Variants in MYO5B observed in about 807,000 individuals in gnomAD.
The protein encoded by MYO5B is myosin VB.
A neutral mutation model predicts 229.3 loss-of-function variants in MYO5B; 143 were observed. That is an observed-to-expected ratio of 0.62 (90% CI 0.54 to 0.72). The LOEUF is 0.72. MYO5B is among the 30% of genes least tolerant of loss of function. MYO5B has a pLI of 0.00. For synonymous variants in MYO5B, 918 were observed against 885.2 expected, an observed-to-expected ratio of 1.04 and a Z score of -0.66; for missense variants, 2,321 against 2,331.0, an observed-to-expected ratio of 1.00 and a Z score of 0.09.
chr18:50,129,603 T>A (rs2144544786), intron 1 of MYO5B, among the ~76,000 whole-genome samples: 1 of 152,238 alleles, frequency 6.6e-6, no homozygotes, highest in Middle Eastern at 3.4e-3. Context: ...CTTCTTTAAT[T>A]CCCACAGCCC....
chr18:49,953,674 T>A (rs997014911), intron 13 of MYO5B, among the ~76,000 whole-genome samples: 3 of 152,116 alleles, frequency 2.0e-5, no homozygotes, highest in Non-Finnish European at 2.9e-5. Context: ...ATACACACAC[T>A]GCAATTTAAG....
intron 10 of MYO5B, among the ~76,000 whole-genome samples, chr18:49,973,073 TCTCCAGC>T (rs1219178806): frequency 6.6e-6 from 1 of 152,050 alleles, no homozygotes; most frequent in Non-Finnish European, 1.5e-5. Context: ...AAGCGTGTCC[TCTCCAGC>T]CTTGAAACTT....
chr18:49,998,943 G>A (rs1021827099), intron 5 of MYO5B, among the ~76,000 whole-genome samples: 6 of 152,160 alleles, frequency 3.9e-5, no homozygotes, highest in South Asian at 2.1e-4. Flanking sequence ...TACAAACATC[G>A]TGAATGTACC....
chr18:50,184,636 AT>A (rs1363851942), intron 1 of MYO5B, among the ~76,000 whole-genome samples: 5 of 152,196 alleles, frequency 3.3e-5, no homozygotes, highest in African/African-American at 1.2e-4. Context: ...AGGGTTCAAA[AT>A]ACATAAGCTC....
intron 4 of MYO5B, among the ~76,000 whole-genome samples, chr18:50,026,139 G>A (rs1248846140): frequency 6.6e-6 from 1 of 152,206 alleles, no homozygotes; most frequent in East Asian, 1.9e-4. Flanking sequence ...GCAAGCACCA[G>A]AAGGGACTAT....
intron 4 of MYO5B, among the ~76,000 whole-genome samples, chr18:50,028,496 C>T (rs1285458195): frequency 6.6e-6 from 1 of 151,930 alleles, no homozygotes; most frequent in Admixed American, 6.6e-5. Context: ...TGGGGGGAGC[C>T]AGGAGGCTTG....
chr18:50,126,533 T>C (rs1184471389), intron 1 of MYO5B: 1 of 154,890 alleles, frequency 6.5e-6, no homozygotes, highest in Admixed American at 6.5e-5. Context: ...TCCCGAGTTA[T>C]CTGAAATGTC....
chr18:49,885,607 G>A (rs1219959558), intron 22 of MYO5B, among the ~76,000 whole-genome samples: 1 of 152,130 alleles, frequency 6.6e-6, no homozygotes, highest in Non-Finnish European at 1.5e-5. Context: ...ATGCTTAAAT[G>A]CCAACTTTCC....
At chr18:49,926,891 G>A (rs2025133960) in intron 17 of MYO5B, among the ~76,000 whole-genome samples, 1 of 152,124 alleles carries the variant, frequency 6.6e-6, no homozygotes, top group Non-Finnish European at 1.5e-5. Flanking sequence ...GAAGCTTGAA[G>A]GTATACTAAC....
chr18:50,075,873 A>G (rs1238977993), intron 1 of MYO5B, among the ~76,000 whole-genome samples: 1 of 152,228 alleles, frequency 6.6e-6, no homozygotes, highest in Non-Finnish European at 1.5e-5. Context: ...TTTCAAAAGA[A>G]GTATCAGTGG....
chr18:49,868,992 T>C (rs983968745), intron 27 of MYO5B, among the ~76,000 whole-genome samples: 1 of 152,242 alleles, frequency 6.6e-6, no homozygotes, highest in African/African-American at 2.4e-5. Flanking sequence ...CAAGGTGTCT[T>C]CCTAGAGTAG....
chr18:50,021,243 C>T (rs181458736), intron 4 of MYO5B, among the ~76,000 whole-genome samples: 321 of 152,272 alleles, frequency 2.1e-3, no homozygotes, highest in African/African-American at 7.4e-3. Context: ...CTGGATGGAG[C>T]AAATTATTTA....
chr18:50,173,945 G>A lies in MYO5B; in HGVS notation c.27+20822C>T, dbSNP rs78966423. ...CTGGTAAAACATTCTTTCTGGGTGT[G>A]TCTGCGAGGGCGTTTCTGGAAGAGA... On this transcript the variant is annotated intron_variant, in intron 1 of 39. Coordinates refer to ENST00000285039, the MANE Select transcript of MYO5B (RefSeq NM_001080467.3). Among the ~76,000 whole-genome samples the A allele has an allele frequency of 3.5e-3, 540 of 152,308 alleles. 7 individuals are homozygous for A. The highest frequency in any genetic ancestry group is 0.012 in the African/African-American group (500 of 41,570).
intron 23 of MYO5B, among the ~76,000 whole-genome samples, chr18:49,879,573 T>C (rs2024564248): frequency 6.6e-6 from 1 of 152,232 alleles, no homozygotes; most frequent in South Asian, 2.1e-4. Context: ...GACAGAAAAG[T>C]GTTTTAAAAG....
chr18:49,909,214 T>C (rs1165749122), intron 18 of MYO5B, among the ~76,000 whole-genome samples: 1 of 152,162 alleles, frequency 6.6e-6, no homozygotes, highest in African/African-American at 2.4e-5. Flanking sequence ...GAAGTATGGG[T>C]GTCCAGATGT....
intron 1 of MYO5B, among the ~76,000 whole-genome samples, chr18:50,108,707 TC>T (rs1568109815): frequency 6.6e-6 from 1 of 152,166 alleles, no homozygotes; most frequent in Non-Finnish European, 1.5e-5. Context: ...TATCTCGGGT[TC>T]TAATAATAAG....
At chr18:49,891,199 C>A (rs117656092) in intron 22 of MYO5B, among the ~76,000 whole-genome samples, 1 of 152,200 alleles carries the variant, frequency 6.6e-6, no homozygotes, top group African/African-American at 2.4e-5. Context: ...GGCCTGTGCA[C>A]GTGTGCCACA....
In MYO5B at chr18:50,115,545, GAGACAC is replaced by G. The variant is rs1392482736; in HGVS notation, c.28-60173_28-60168del. Reference sequence around the variant, plus strand: ...TAAAACACACACACACACACACAGAGAGACACACACACACACACACACACACACACA... The same window carrying G: ...TAAAACACACACACACACACACAGAGACACACACACACACACACACACACA... On this transcript the variant is annotated intron_variant, in intron 1 of 39. Coordinates refer to ENST00000285039, the MANE Select transcript of MYO5B (RefSeq NM_001080467.3). Among the ~76,000 whole-genome samples, 854 of 106,144 alleles carry G rather than the reference GAGACAC, an allele frequency of 8.0e-3. 5 individuals carry two copies. Among genetic ancestry groups the G allele is most frequent in the African/African-American group, 0.018 (444 of 24,438 alleles). 69.6% of individuals were successfully genotyped at this position (106,144 alleles called of 152,430 possible). A position where few individuals can be genotyped will look rare whatever the true frequency, so the allele number is the denominator to read the frequency against.
chr18:49,863,299 C>T lies in MYO5B; in HGVS notation c.3872G>A (p.Trp1291Ter), dbSNP rs2024353972. The change falls in exon 29 of 40, where the codon TGG (tryptophan) becomes TAG (stop). Residue 1291 changes from tryptophan to a stop codon, truncating the protein, a stop_gained. Coordinates refer to ENST00000285039, the MANE Select transcript of MYO5B (RefSeq NM_001080467.3). LOFTEE classifies it high-confidence loss of function. Reference protein sequence around the residue: ...AEPNINARSSWPNSEKHVDQE... With the variant: ...AEPNINARSS ...GTCAACATGCTTTTCACTGTTAGGC[C>T]AACTTGATCTGGCATTAATGTTCGG... is the stretch of plus-strand genomic sequence containing the variant. 6.2e-7 allele frequency: 1 copy of T among 1,613,594 alleles called. No homozygotes were observed. Among genetic ancestry groups the T allele is most frequent in the Non-Finnish European group, 8.5e-7 (1 of 1,180,024 alleles).
Sources: gnomAD v4.1 joint callset for allele counts (sites outside exome capture counted in the v4.1 genomes callset) on GRCh38, gnomAD v4.1.1 for gene constraint, MANE v1.5 for transcripts, NCBI Gene and HGNC (gene_info 2026-07-23, HGNC 2026-07-21) for gene names.